CEP135: variants seen among roughly 807,000 people sequenced by gnomAD.
CEP135 encodes the protein centrosomal protein 135.
In CEP135, 142 loss-of-function variants were observed where a neutral mutation model predicts 157.3. The ratio of observed to expected loss-of-function variants is 0.90; its 90% CI spans 0.79 to 1.04. The LOEUF (loss-of-function observed/expected upper bound fraction) is 1.04. Among genes scored for constraint, CEP135 ranks in the 50% least tolerant of loss-of-function variants. The pLI, the probability that CEP135 is intolerant of heterozygous loss-of-function variation, is 0.00. For missense variants in CEP135, 1,317 were observed against 1,309.2 expected (o/e 1.01, Z -0.09); for synonymous variants, 396 against 439.8 (o/e 0.90, Z 1.25).
Position 55,954,326 on chromosome 4 carries a change from A to C in CEP135, c.415A>C (p.Asn139His). The C allele has an allele frequency of 6.2e-7, 1 of 1,609,946 alleles. No individual in the cohort carries two copies. The highest frequency in any genetic ancestry group is 8.5e-7 in the Non-Finnish European group (1 of 1,178,648). The change falls in exon 4 of 26, where the codon AAT (asparagine) becomes CAT (histidine). Residue 139 changes from asparagine to histidine, a missense_variant. By Grantham distance (68) the Asn-to-His change is moderately conservative (BLOSUM62 1). Transcript: ENST00000257287. The stretch of plus-strand genomic sequence containing the variant: ...GTTGGAGAAAGAGAGCAAAGCTAAG[A>C]ATGAAAGAATTCAACAACTTCAAGA... ...KLLEKESKAK[N>H]ERIQQLQEKN...
intron 8 of CEP135, among the ~76,000 whole-genome samples, chr4:55,968,088 A>T (rs1015079100): frequency 2.0e-5 from 3 of 152,256 alleles, no homozygotes; most frequent in Non-Finnish European, 4.4e-5. Flanking sequence ...TCAGCACACA[A>T]AAATCAGATG....
intron 9 of CEP135, among the ~76,000 whole-genome samples, chr4:55,969,408 C>T (rs1259296932): frequency 5.2e-5 from 6 of 115,518 alleles, no homozygotes; most frequent in African/African-American, 2.0e-4. Flanking sequence ...GCCTGGGCAA[C>T]AAGAGCGAAA....
In CEP135 at chr4:56,020,766, T is replaced by C; in HGVS notation, c.3306T>C (p.Thr1102=). ...DYDALKRQIS[T]ERYERERAIQ... ...ATGCTCTGAAAAGGCAGATCTCAAC[T>C]GAAAGATACGAACGGTAAGACAAAT... is the stretch of plus-strand genomic sequence containing the variant. Residue 1102 remains threonine (T), a synonymous_variant, in exon 24 of 26, where the codon ACT becomes ACC. Transcript: ENST00000257287. 2 of 1,612,696 alleles carry C rather than the reference T, an allele frequency of 1.2e-6. No homozygotes were observed. Among genetic ancestry groups the C allele is most frequent in the South Asian group, 1.1e-5 (1 of 90,728 alleles).
At chr4:55,982,703 C>T (rs1729455114) in intron 13 of CEP135, among the ~76,000 whole-genome samples, 1 of 152,128 alleles carries the variant, frequency 6.6e-6, no homozygotes, top group African/African-American at 2.4e-5. Context: ...TACTTTCCCC[C>T]ATTCTGTGGG....
Position 55,999,352 on chromosome 4 carries a change from T to G in CEP135, c.2060T>G (p.Leu687Arg). Residue 687 changes from leucine to arginine, a missense_variant, in exon 16 of 26, where the codon CTT (leucine) becomes CGT (arginine). By Grantham distance (102) the Leu-to-Arg change is moderately radical. Transcript: ENST00000257287. ...QRSVDDYQHR[L>R]SIKRGELESA... is the part of the protein sequence containing the mutation. Reference sequence around the variant, plus strand: ...TCAGTTGATGACTATCAGCACCGACTTTCCATAAAAAGAGGTGAACTTGAA... The same window carrying G: ...TCAGTTGATGACTATCAGCACCGACGTTCCATAAAAAGAGGTGAACTTGAA... 1 of 1,614,208 alleles carries G rather than the reference T, an allele frequency of 6.2e-7. No individual in the cohort carries two copies. The highest frequency in any genetic ancestry group is 8.5e-7 in the Non-Finnish European group (1 of 1,180,026).
chr4:55,997,891 A>T (rs1730031407), intron 15 of CEP135, among the ~76,000 whole-genome samples: 1 of 152,220 alleles, frequency 6.6e-6, no homozygotes, highest in Admixed American at 6.6e-5. Context: ...AACCTCACAC[A>T]TAATTTTAGG....
chr4:55,996,118 C>T (rs986241097), intron 15 of CEP135, among the ~76,000 whole-genome samples: 9 of 152,072 alleles, frequency 5.9e-5, no homozygotes, highest in Non-Finnish European at 1.2e-4. Context: ...TAATTGATAA[C>T]CATTTTATTT....
intron 18 of CEP135, among the ~76,000 whole-genome samples, chr4:56,009,151 TTTTGTTGTTGTTGTTG>T (rs1205634094): frequency 1.3e-5 from 2 of 152,088 alleles, no homozygotes; most frequent in African/African-American, 4.8e-5. Context: ...ATTCAACTGT[TTTTGTTGTTGTTGTTG>T]TTTTTTGTTG....
At chr4:56,007,064 T>C (rs943671438) in intron 17 of CEP135, among the ~76,000 whole-genome samples, 27 of 152,158 alleles carry the variant, frequency 1.8e-4, no homozygotes, top group African/African-American at 6.0e-4. Flanking sequence ...TGGCTAATTT[T>C]TGTATTTTTA....
At chr4:56,020,989 A>C (rs1183621592) in intron 24 of CEP135, among the ~76,000 whole-genome samples, 1 of 152,262 alleles carries the variant, frequency 6.6e-6, no homozygotes, top group Non-Finnish European at 1.5e-5. Flanking sequence ...AGTATTACAT[A>C]GCGGATGCTA....
chr4:56,015,504 C>T (rs998222162), intron 21 of CEP135, among the ~76,000 whole-genome samples: 4 of 152,188 alleles, frequency 2.6e-5, no homozygotes, highest in African/African-American at 9.7e-5. Flanking sequence ...CAGGGTGGGG[C>T]CCCCCTGGCT....
At chr4:56,007,690 C>T (rs1367797214) in intron 17 of CEP135, among the ~76,000 whole-genome samples, 2 of 152,140 alleles carry the variant, frequency 1.3e-5, no homozygotes, top group African/African-American at 2.4e-5. Context: ...CTCACTTTTT[C>T]CGGTGTAGAA....
At position 55,951,425 on chromosome 4, in the gene CEP135, C is replaced by T. The variant is rs775137086; in HGVS notation, c.-45-661C>T. Among the ~76,000 whole-genome samples the T allele has an allele frequency of 5.3e-5, 8 of 152,126 alleles. 1 individual carries two copies. The highest frequency in any genetic ancestry group is 2.0e-4 in the Admixed American group (3 of 15,272). On this transcript the variant is annotated intron_variant, in intron 1 of 25. Transcript: ENST00000257287. ...TATTGTCGGTCCTTGTAATTTTAGTCATTCTAGTTTGGGAGAAAATGTACC... is the reference window on the plus strand; with the variant it reads ...TATTGTCGGTCCTTGTAATTTTAGTTATTCTAGTTTGGGAGAAAATGTACC...
At chr4:55,967,628 G>T (rs1279915808) in intron 8 of CEP135, among the ~76,000 whole-genome samples, 2 of 152,130 alleles carry the variant, frequency 1.3e-5, no homozygotes, top group Admixed American at 6.5e-5. Flanking sequence ...AGAACTATGT[G>T]CATACCATAG....
chr4:56,016,315 T>A (rs988026682), intron 21 of CEP135, among the ~76,000 whole-genome samples: 1 of 152,148 alleles, frequency 6.6e-6, no homozygotes, highest in Admixed American at 6.5e-5. Flanking sequence ...TTAAAACACC[T>A]AATTTGTGGT....
intron 21 of CEP135, among the ~76,000 whole-genome samples, chr4:56,017,363 A>G (rs531453388): frequency 6.6e-6 from 1 of 152,280 alleles, no homozygotes; most frequent in South Asian, 2.1e-4. Context: ...AAAATCCCTC[A>G]TATTCACAAC....
Position 55,964,439 on chromosome 4 carries a change from A to G in CEP135, c.828+37A>G, listed in dbSNP as rs62308567. 152,781 of 1,515,642 alleles carry G rather than the reference A, an allele frequency of 0.1. 8,746 individuals are homozygous for G. Among genetic ancestry groups the G allele is most frequent in the Non-Finnish European group, 0.12 (128,222 of 1,107,060 alleles). The allele number at this position is 1,515,642 out of a possible 1,614,324, so 93.9% of individuals were successfully genotyped here. On this transcript the variant is annotated intron_variant, in intron 7 of 25. Transcript: ENST00000257287. The stretch of plus-strand genomic sequence containing the variant: ...TATAATTATTTCACTGAGTGTATAT[A>G]ATGGTGTTTATAATAAACACTATAT...
chr4:56,026,307 C>CA (rs1361971030), intron 25 of CEP135, among the ~76,000 whole-genome samples: 1 of 152,044 alleles, frequency 6.6e-6, no homozygotes, highest in African/African-American at 2.4e-5. Context: ...AACCCCATCT[C>CA]AAAAAAACAA....
chr4:55,980,059 G>A (rs966432948), intron 11 of CEP135, 84 bp from the exon 12 acceptor site: 42 of 1,101,300 alleles, frequency 3.8e-5, no homozygotes, highest in Non-Finnish European at 5.5e-5. Context: ...TTGTCTGGTA[G>A]CATCTTTCAG....
Sources: gnomAD v4.1 joint callset for allele counts (sites outside exome capture counted in the v4.1 genomes callset) on GRCh38, gnomAD v4.1.1 for gene constraint, MANE v1.5 for transcripts, NCBI Gene and HGNC (gene_info 2026-07-23, HGNC 2026-07-21) for gene names.